SH3KBP1: variants seen among roughly 807,000 people sequenced by gnomAD.
The protein encoded by SH3KBP1 is SH3 domain containing kinase binding protein 1.
Under a neutral mutation model 50.1 loss-of-function variants are expected in SH3KBP1, and 8 were observed. That is an observed-to-expected ratio of 0.16 (90% confidence interval 0.09 to 0.29). The LOEUF (loss-of-function observed/expected upper bound fraction) is 0.29. SH3KBP1 is among the 10% of genes least tolerant of loss of function. The pLI, the probability that SH3KBP1 is intolerant of heterozygous loss-of-function variation, is 1.00. For missense variants in SH3KBP1, 377 were observed against 535.2 expected, an observed-to-expected ratio of 0.70 and a Z score of 2.92; for synonymous variants, 227 against 218.6, an observed-to-expected ratio of 1.04 and a Z score of -0.34.
At position 19,554,144 on chromosome X, in the gene SH3KBP1, TTATATATCATATTAAAATATAA is replaced by T. The variant is rs1569278620; in HGVS notation, c.1385-4083_1385-4062del. ...ATATTATATATCATATTAAAATATA[TTATATATCATATTAAAATATAA>T]TATATATCATATTAAAATATAATAT... On this transcript the variant is annotated intron_variant, in intron 13 of 17. Transcript: ENST00000397821. Among the ~76,000 whole-genome samples the T allele has an allele frequency of 8.1e-4, 49 of 60,688 alleles. 2 individuals carry two copies. Among genetic ancestry groups the T allele is most frequent in the African/African-American group, 3.9e-3 (43 of 10,977 alleles). The allele number at this position is 60,688 out of a possible 115,157, so 52.7% of individuals were successfully genotyped here. A position where few individuals can be genotyped will look rare whatever the true frequency, so the allele number is the denominator to read the frequency against.
At chrX:19,607,739 G>A (rs991061379) in intron 9 of SH3KBP1, among the ~76,000 whole-genome samples, 199 bp downstream of exon 9, 1 of 112,162 alleles carries the variant, frequency 8.9e-6, no homozygotes, top group Non-Finnish European at 1.9e-5. Context: ...CAACCGCAGA[G>A]TAGAGATCAC....
At chrX:19,628,500 C>T (rs12851691) in intron 8 of SH3KBP1, among the ~76,000 whole-genome samples, 1,923 of 111,276 alleles carry the variant, frequency 0.017, 20 homozygotes, top group Non-Finnish European at 0.028. Flanking sequence ...GGGATTCAAA[C>T]CCTGGTTCTG....
At chrX:19,583,010 G>A (rs956800297) in intron 12 of SH3KBP1, among the ~76,000 whole-genome samples, 3 of 109,920 alleles carry the variant, frequency 2.7e-5, no homozygotes, top group Non-Finnish European at 3.8e-5. Context: ...GCTAAGGGCA[G>A]CCTGCCTCTC....
At chrX:19,613,435 A>G (rs16981231) in intron 8 of SH3KBP1, among the ~76,000 whole-genome samples, 10,381 of 111,586 alleles carry the variant, frequency 0.093, 1,114 homozygotes, top group African/African-American at 0.31. Flanking sequence ...TGCTGTTTAG[A>G]CATAAGCTCT....
At chrX:19,828,692 G>A (rs1198193656) in intron 2 of SH3KBP1, among the ~76,000 whole-genome samples, 1 of 111,716 alleles carries the variant, frequency 9.0e-6, no homozygotes, top group Non-Finnish European at 1.9e-5. Flanking sequence ...GCTGTGGCAA[G>A]AGGATCACTT....
chrX:19,703,229 G>A (rs776744325), intron 4 of SH3KBP1, among the ~76,000 whole-genome samples: 1 of 112,065 alleles, frequency 8.9e-6, no homozygotes, highest in African/African-American at 3.2e-5. Flanking sequence ...CTCATTAATG[G>A]TAGCACACAT....
Position 19,836,834 on chromosome X carries a change from G to A in SH3KBP1, c.5-552C>T, listed in dbSNP as rs780731836. On this transcript the variant is annotated intron_variant, in intron 1 of 17. Coordinates refer to ENST00000397821, the MANE Select transcript of SH3KBP1 (RefSeq NM_031892.3). ...ACCCAGTGGGAGGTAATTGAACTAT[G>A]AGGGCAGTTACTCTCATGCTTTTCT... 3.6e-5 allele frequency among the ~76,000 whole-genome samples: 4 copies of A among 111,990 alleles called. No individual in the cohort carries two copies. In the South Asian group the frequency reaches 1.5e-3, roughly 42 times the overall value.
chrX:19,680,380 CAAAAAAAA>C (rs763413288), intron 6 of SH3KBP1, among the ~76,000 whole-genome samples: 4 of 37,784 alleles, frequency 1.1e-4, no homozygotes, highest in Non-Finnish European at 2.1e-4. Context: ...ACTCTTGTTT[CAAAAAAAA>C]AAAAAAAAAA....
chrX:19,793,488 A>G (rs965826332), intron 2 of SH3KBP1, among the ~76,000 whole-genome samples: 1 of 109,768 alleles, frequency 9.1e-6, no homozygotes, highest in African/African-American at 3.3e-5. Context: ...TCCTCTATAA[A>G]CTGGAAATCC....
intron 6 of SH3KBP1, among the ~76,000 whole-genome samples, chrX:19,655,836 A>T (rs1403633554): frequency 8.9e-6 from 1 of 111,981 alleles, no homozygotes; most frequent in Non-Finnish European, 1.9e-5. Context: ...AGAATATAGC[A>T]GCAGAGACAA....
chrX:19,542,497 C>A (rs780705417), intron 15 of SH3KBP1, among the ~76,000 whole-genome samples: 28 of 111,983 alleles, frequency 2.5e-4, no homozygotes, highest in Non-Finnish European at 4.7e-4. Context: ...CTGAAGTGAA[C>A]AAGACATGCC....
intron 3 of SH3KBP1, among the ~76,000 whole-genome samples, chrX:19,733,444 T>C (rs1194150114): frequency 9.1e-6 from 1 of 110,119 alleles, no homozygotes; most frequent in Non-Finnish European, 1.9e-5. Context: ...AAATGAGGTA[T>C]CATACAATCA....
At position 19,603,454 on chromosome X, in the gene SH3KBP1, C is replaced by T. The variant is rs183785213; in HGVS notation, c.1005+4484G>A. On this transcript the variant is annotated intron_variant, in intron 9 of 17. Coordinates refer to ENST00000397821, the MANE Select transcript of SH3KBP1 (RefSeq NM_031892.3). ...GCTACCTGATTAAGTCTCTGTGACT[C>T]AGCAAAGGCGAGCCTGCATCATACT... Among the ~76,000 whole-genome samples the T allele has an allele frequency of 2.5e-4, 28 of 111,975 alleles. No homozygotes were observed. In the East Asian group the frequency reaches 7.3e-3, roughly 29 times the overall value.
intron 1 of SH3KBP1, among the ~76,000 whole-genome samples, chrX:19,871,501 T>C (rs940131587): frequency 1.8e-5 from 2 of 112,720 alleles, no homozygotes; most frequent in Admixed American, 1.9e-4. Flanking sequence ...TAACATTTAT[T>C]ATCATGAACT....
chrX:19,722,575 T>TGTGCGCGCACTG (rs1163744310), intron 3 of SH3KBP1, among the ~76,000 whole-genome samples: 1 of 92,698 alleles, frequency 1.1e-5, no homozygotes, highest in Admixed American at 1.2e-4. Flanking sequence ...CACTGGTGTG[T>TGTGCGCGCACTG]GTGTGTGTGT....
intron 6 of SH3KBP1, among the ~76,000 whole-genome samples, chrX:19,681,342 A>C (rs1195410877): frequency 8.9e-6 from 1 of 112,354 alleles, no homozygotes; most frequent in Admixed American, 9.4e-5. Flanking sequence ...TCAACTACAC[A>C]AGTGCTATAT....
intron 2 of SH3KBP1, among the ~76,000 whole-genome samples, chrX:19,774,706 G>C (rs996848258): frequency 1.3e-4 from 13 of 101,226 alleles, no homozygotes; most frequent in African/African-American, 5.1e-4. Flanking sequence ...AAGAAAGAAA[G>C]AAAGAAGAAA....
intron 8 of SH3KBP1, among the ~76,000 whole-genome samples, chrX:19,614,632 G>A (rs1250765680): frequency 8.9e-6 from 1 of 111,928 alleles, no homozygotes; most frequent in Non-Finnish European, 1.9e-5. Flanking sequence ...TTTTTCCAGT[G>A]TGTAGGCTGA....
chrX:19,594,474 G>A (rs751681682), intron 10 of SH3KBP1, among the ~76,000 whole-genome samples: 4 of 111,890 alleles, frequency 3.6e-5, no homozygotes, highest in Non-Finnish European at 5.6e-5. Flanking sequence ...AGGGGTAAGT[G>A]AAGTCAGTAC....
Sources: gnomAD v4.1 joint callset for allele counts (sites outside exome capture counted in the v4.1 genomes callset) on GRCh38, gnomAD v4.1.1 for gene constraint, MANE v1.5 for transcripts, NCBI Gene and HGNC (gene_info 2026-07-23, HGNC 2026-07-21) for gene names.